Variants in DDX60 observed in about 807,000 individuals in gnomAD.
DDX60 encodes probable ATP-dependent RNA helicase DDX60.
DDX60 carries 165 observed loss-of-function variants against 212.8 expected under a neutral mutation model. The observed-to-expected ratio is 0.78, with a 90% CI of 0.68 to 0.88. The LOEUF is 0.88. DDX60 is among the 40% of genes least tolerant of loss of function. DDX60 has a pLI of 0.00. For synonymous variants in DDX60, 703 were observed against 685.3 expected, an observed-to-expected ratio of 1.03 and a Z score of -0.40; for missense variants, 1,905 against 2,003.9, an observed-to-expected ratio of 0.95 and a Z score of 0.94.
intron 6 of DDX60, among the ~76,000 whole-genome samples, chr4:168,301,743 G>C (rs1329898908): frequency 6.6e-6 from 1 of 152,086 alleles, no homozygotes; most frequent in African/African-American, 2.4e-5. Context: ...AGTTTGAGAA[G>C]AAACAGGATC....
chr4:168,227,004 C>T (rs1056035666), intron 33 of DDX60, among the ~76,000 whole-genome samples: 1 of 152,086 alleles, frequency 6.6e-6, no homozygotes, highest in East Asian at 1.9e-4. Flanking sequence ...TATTAGCCAG[C>T]CAATCATTGC....
chr4:168,237,576 T>C (rs1361259858), intron 31 of DDX60, 115 bp downstream of exon 31: 1 of 1,142,750 alleles, frequency 8.8e-7, no homozygotes, highest in Non-Finnish European at 1.2e-6. Context: ...ATACCATTTA[T>C]AAATAATATC....
chr4:168,293,727 C>A (rs1308094654), intron 7 of DDX60, 60 bp downstream of exon 7: 1 of 1,387,774 alleles, frequency 7.2e-7, no homozygotes, highest in Non-Finnish European at 9.8e-7. Context: ...AGATACAAAT[C>A]AACAAAATTT....
chr4:168,267,207 T>A (rs1298158836), intron 22 of DDX60, among the ~76,000 whole-genome samples: 4 of 152,212 alleles, frequency 2.6e-5, no homozygotes, highest in African/African-American at 9.6e-5. Context: ...TTCTATGTAC[T>A]AGGGATTGTC....
rs1169806182 is a variant in DDX60 at position 168,302,364 on chromosome 4, CT to C, written c.658del (p.Arg220AspfsTer7). ...AYTTLLNQLE[R>X]FKLSALAPLF... Reference sequence around the variant, plus strand: ...AGGTGCTAATGCTGAAAGCTTAAATCTTTCCAACTGGTTAAGCAGGGTTGTA... The same window carrying C: ...AGGTGCTAATGCTGAAAGCTTAAATCTTCCAACTGGTTAAGCAGGGTTGTA... On this transcript the variant is annotated frameshift_variant, in exon 6 of 38. Transcript: ENST00000393743. LOFTEE classifies it high-confidence loss of function. 1.9e-5 allele frequency: 30 copies of C among 1,592,928 alleles called. No individual in the cohort carries two copies. The Admixed American group carries it at 5.3e-4, about 28-fold the overall frequency.
intron 1 of DDX60, among the ~76,000 whole-genome samples, chr4:168,316,917 G>A (rs1255459512): frequency 6.6e-6 from 1 of 151,878 alleles, no homozygotes; most frequent in Non-Finnish European, 1.5e-5. Context: ...CATTAGCTGG[G>A]CATGGTGACA....
chr4:168,310,916 C>T (rs1290598163), intron 3 of DDX60, 82 bp downstream of exon 3: 7 of 792,484 alleles, frequency 8.8e-6, no homozygotes, highest in Non-Finnish European at 1.5e-5. Context: ...GGTCAACTGT[C>T]TATAAATCAG....
chr4:168,260,882 T>C lies in DDX60; in HGVS notation c.3381A>G (p.Leu1127=). The C allele has an allele frequency of 6.2e-7, 1 of 1,605,474 alleles. No individual in the cohort carries two copies. The highest frequency in any genetic ancestry group is 2.2e-5 in the East Asian group (1 of 44,798). The change falls in exon 25 of 38, where the codon TTA becomes TTG. Residue 1127 remains leucine (L), a synonymous_variant. Coordinates refer to ENST00000393743, the MANE Select transcript of DDX60 (RefSeq NM_017631.6). ...TAACTTACAAAAAAAATAGTGCAGG[T>C]AACTTCTCCATTTTCCTTAGTTTTT... ...LVEKLRKMEK[L]PALFFLFKLG... is the part of the protein sequence containing the mutation.
chr4:168,245,339 G>A (rs536196301), intron 30 of DDX60, among the ~76,000 whole-genome samples: 17 of 152,218 alleles, frequency 1.1e-4, no homozygotes, highest in African/African-American at 2.6e-4. Flanking sequence ...AGAAGGCAAC[G>A]GAAACAATCT....
At chr4:168,231,915 A>C (rs2149493908) in intron 33 of DDX60, among the ~76,000 whole-genome samples, 1 of 152,228 alleles carries the variant, frequency 6.6e-6, no homozygotes, top group Non-Finnish European at 1.5e-5. Context: ...GTAAAAAGGA[A>C]GTCAAACTGT....
intron 27 of DDX60, 51 bp from the exon 28 acceptor site, chr4:168,251,157 A>T (rs1160802265): frequency 6.7e-7 from 1 of 1,503,704 alleles, no homozygotes; most frequent in Non-Finnish European, 9.0e-7. Context: ...AATTATAATT[A>T]AAAATGTCTA....
At chr4:168,270,820 T>C (rs1735057721) in intron 19 of DDX60, among the ~76,000 whole-genome samples, 1 of 152,024 alleles carries the variant, frequency 6.6e-6, no homozygotes, top group Non-Finnish European at 1.5e-5. Context: ...AATATATCTT[T>C]CTATCATGTT....
In DDX60 at chr4:168,308,149, T is replaced by C; in HGVS notation, c.121A>G (p.Ile41Val). 1.3e-6 allele frequency: 2 copies of C among 1,592,962 alleles called. No individual in the cohort carries two copies. Among genetic ancestry groups the C allele is most frequent in the South Asian group, 2.3e-5 (2 of 87,132 alleles). ...NDFVESEFFL[I>V]DGDSLLITCI... ...GTGATAAGTAATGAATCCCCATCAA[T>C]CAAAAAAAATTCAGATTCAACAAAA... The change falls in exon 4 of 38, where the codon ATT (isoleucine) becomes GTT (valine). Residue 41 changes from isoleucine to valine, a missense_variant. Coordinates refer to ENST00000393743, the MANE Select transcript of DDX60 (RefSeq NM_017631.6).
At position 168,262,137 on chromosome 4, in the gene DDX60, CA is replaced by C; in HGVS notation, c.3145-10del. On this transcript the variant is annotated splice_polypyrimidine_tract_variant and intron_variant, in intron 23 of 37. Transcript: ENST00000393743. ...TTTTCTGGGCACAGTTCCTTGAAAA[CA>C]AATATTACAAAATTAGGCACAATCA... 1 of 1,568,562 alleles carries C rather than the reference CA, an allele frequency of 6.4e-7. No homozygotes were observed. The highest frequency in any genetic ancestry group is 1.2e-5 in the South Asian group (1 of 83,016).
At chr4:168,242,834 C>T (rs781139833) in intron 30 of DDX60, among the ~76,000 whole-genome samples, 1 of 151,938 alleles carries the variant, frequency 6.6e-6, no homozygotes, top group Non-Finnish European at 1.5e-5. Context: ...TGGGAGGGAC[C>T]AGGAGTGGAA....
chr4:168,325,699 G>A, the DDX60 span, among the ~76,000 whole-genome samples: 2 of 152,198 alleles, frequency 1.3e-5, no homozygotes, highest in Non-Finnish European at 2.9e-5. Context: ...CTAAGAATAT[G>A]CCAGTTCCAT....
At chr4:168,268,829 G>A in intron 20 of DDX60, 25 bp downstream of exon 20, 2 of 1,290,964 alleles carry the variant, frequency 1.5e-6, no homozygotes, top group Non-Finnish European at 2.2e-6. Context: ...TAAACACTCT[G>A]TCCAAATTGA....
At chr4:168,280,206 A>G in intron 14 of DDX60, 129 bp downstream of exon 14, 1 of 1,201,762 alleles carries the variant, frequency 8.3e-7, no homozygotes, top group East Asian at 2.4e-5. Flanking sequence ...TGTAAAGGTA[A>G]TAATGTATAA....
At chr4:168,234,045 C>A (rs1733547413) in intron 33 of DDX60, among the ~76,000 whole-genome samples, 1 of 151,968 alleles carries the variant, frequency 6.6e-6, no homozygotes, top group African/African-American at 2.4e-5. Context: ...AATATTGTTC[C>A]ATTGTCCACT....
Sources: allele counts gnomAD v4.1 joint callset (sites outside exome capture counted in the v4.1 genomes callset), GRCh38; gene constraint gnomAD v4.1.1; transcripts MANE v1.5; gene names NCBI Gene and HGNC (gene_info 2026-07-23, HGNC 2026-07-21).